The following SDK1 variants were observed in gnomAD, a reference collection of about 807,000 sequenced individuals.
The protein encoded by SDK1 is sidekick cell adhesion molecule 1, also known as protein sidekick-1.
A neutral mutation model predicts 245.5 loss-of-function variants in SDK1; 157 were observed. The ratio of observed to expected loss-of-function variants is 0.64; its 90% confidence interval spans 0.56 to 0.73. The LOEUF (loss-of-function observed/expected upper bound fraction) is 0.73, where lower values mean the gene tolerates loss of function less well. Ranked by LOEUF, SDK1 falls within the 30% of genes least tolerant of loss-of-function variation. SDK1 has a pLI of 0.00. For synonymous variants in SDK1, 1,647 were observed against 1,278.5 expected, an observed-to-expected ratio of 1.29 and a Z score of -6.15; for missense variants, 3,583 against 3,002.3, an observed-to-expected ratio of 1.19 and a Z score of -4.52.
chr7:3,939,158 T>G (rs916068193), intron 5 of SDK1, among the ~76,000 whole-genome samples: 2 of 152,228 alleles, frequency 1.3e-5, no homozygotes, highest in African/African-American at 4.8e-5. Context: ...GGGGAATACC[T>G]GTCTCCAGGG....
intron 1 of SDK1, among the ~76,000 whole-genome samples, chr7:3,515,685 G>T (rs1195249471): frequency 6.6e-6 from 1 of 152,080 alleles, no homozygotes; most frequent in Non-Finnish European, 1.5e-5. Context: ...ATATAAGGAG[G>T]TTAGCCAAAG....
intron 4 of SDK1, among the ~76,000 whole-genome samples, chr7:3,807,160 C>G (rs981153053): frequency 3.3e-5 from 5 of 152,144 alleles, no homozygotes; most frequent in Non-Finnish European, 7.3e-5. Flanking sequence ...CCAAAGGAAA[C>G]TGCTTTCATT....
chr7:4,061,838 T>C (rs1207602712), intron 19 of SDK1, among the ~76,000 whole-genome samples: 2 of 151,846 alleles, frequency 1.3e-5, no homozygotes, highest in Admixed American at 1.3e-4. Context: ...TGTAGGGACA[T>C]GGATGAAATT....
chr7:4,132,447 C>T (rs764236586), intron 28 of SDK1, 24 bp downstream of exon 28: 16 of 1,540,492 alleles, frequency 1.0e-5, no homozygotes, highest in South Asian at 9.1e-5. Context: ...GGTGGCCGGG[C>T]GTGGTGGCTC....
chr7:3,387,066 G>A (rs1470948361), intron 1 of SDK1, among the ~76,000 whole-genome samples: 1 of 152,110 alleles, frequency 6.6e-6, no homozygotes, highest in Non-Finnish European at 1.5e-5. Flanking sequence ...TTTCCCAAGT[G>A]AGCATATGTT....
rs111624250 is a variant in SDK1, at chr7:3,713,612, A to G, written c.713+71507A>G. On this transcript the variant is annotated intron_variant, in intron 4 of 44. Transcript: ENST00000404826. The stretch of plus-strand genomic sequence containing the variant: ...AGTACAGAAAAGAGGCTTTTCAAGA[A>G]TACGTCAGTTCTGTTAGAATAAGAT... 4.1e-3 allele frequency among the ~76,000 whole-genome samples: 625 copies of G among 152,300 alleles called. 5 individuals carry two copies. Among genetic ancestry groups the G allele is most frequent in the African/African-American group, 0.013 (547 of 41,572 alleles).
intron 35 of SDK1, among the ~76,000 whole-genome samples, chr7:4,182,490 G>A (rs1017288473): frequency 4.6e-5 from 7 of 152,168 alleles, no homozygotes; most frequent in African/African-American, 1.7e-4. Context: ...AGAGCAGCTG[G>A]GGAAACCCTG....
chr7:4,061,893 A>T lies in SDK1; in HGVS notation c.2912-5945A>T, dbSNP rs149837667. Among the ~76,000 whole-genome samples, 279 of 149,846 alleles carry T rather than the reference A, an allele frequency of 1.9e-3. 1 individual carries two copies. The highest frequency in any genetic ancestry group is 6.8e-3 in the Middle Eastern group (2 of 294). On this transcript the variant is annotated intron_variant, in intron 19 of 44. Coordinates refer to ENST00000404826, the MANE Select transcript of SDK1 (RefSeq NM_152744.4). ...AAACTATCGCAAGAACAAAAAACCA[A>T]ACACGGCATATTCTCACTCATAGGT...
intron 1 of SDK1, among the ~76,000 whole-genome samples, chr7:3,319,816 T>C (rs997699852): frequency 6.6e-6 from 1 of 151,752 alleles, no homozygotes. Context: ...TTATACTGTT[T>C]CTACTTTATA....
chr7:3,647,423 T>G (rs936742615), intron 4 of SDK1, among the ~76,000 whole-genome samples: 2 of 152,124 alleles, frequency 1.3e-5, no homozygotes, highest in African/African-American at 4.8e-5. Flanking sequence ...ATCAAGCTCT[T>G]TTCTGTTTTG....
intron 4 of SDK1, among the ~76,000 whole-genome samples, chr7:3,754,756 A>G (rs1219723998): frequency 6.6e-6 from 1 of 152,188 alleles, no homozygotes; most frequent in Non-Finnish European, 1.5e-5. Context: ...GATGAAAGAA[A>G]GTCTCATTTG....
intron 4 of SDK1, among the ~76,000 whole-genome samples, chr7:3,764,606 C>T (rs190822912): frequency 2.0e-3 from 303 of 152,024 alleles, no homozygotes; most frequent in Non-Finnish European, 3.4e-3. Context: ...TGCTGGAATC[C>T]GAGAAGCAGA....
At chr7:3,586,172 C>A (rs1400943402) in intron 1 of SDK1, among the ~76,000 whole-genome samples, 3 of 151,526 alleles carry the variant, frequency 2.0e-5, no homozygotes, top group Non-Finnish European at 4.4e-5. Context: ...TGAAGTGTGC[C>A]ACACCCAGAG....
chr7:3,514,266 G>C (rs1782667506), intron 1 of SDK1, among the ~76,000 whole-genome samples: 1 of 152,168 alleles, frequency 6.6e-6, no homozygotes, highest in Non-Finnish European at 1.5e-5. Context: ...AGTAGACTAT[G>C]TTGTACAGTC....
chr7:3,401,062 G>A (rs1037784061), intron 1 of SDK1, among the ~76,000 whole-genome samples: 1 of 152,138 alleles, frequency 6.6e-6, no homozygotes, highest in Non-Finnish European at 1.5e-5. Flanking sequence ...GCCATCCGCA[G>A]CCTCATAGCC....
At chr7:3,550,023 A>G (rs1042969243) in intron 1 of SDK1, among the ~76,000 whole-genome samples, 3 of 152,190 alleles carry the variant, frequency 2.0e-5, no homozygotes, top group Admixed American at 6.5e-5. Context: ...AAACATTAGC[A>G]CAGTTATCAA....
At chr7:3,452,044 A>T (rs1028573049) in intron 1 of SDK1, among the ~76,000 whole-genome samples, 1 of 152,198 alleles carries the variant, frequency 6.6e-6, no homozygotes. Context: ...AAAAACAGAG[A>T]TAGAGAACTA....
chr7:3,527,419 G>T (rs1248866608), intron 1 of SDK1, among the ~76,000 whole-genome samples: 5 of 152,180 alleles, frequency 3.3e-5, no homozygotes. Flanking sequence ...TGACTTTCAA[G>T]CAGAGACCTG....
intron 4 of SDK1, among the ~76,000 whole-genome samples, chr7:3,798,510 C>T (rs1779024389): frequency 2.0e-5 from 3 of 152,156 alleles, no homozygotes; most frequent in Admixed American, 2.0e-4. Flanking sequence ...AACCACTGCA[C>T]CCAGCCAAAC....
Sources: gnomAD v4.1 joint callset for allele counts (sites outside exome capture counted in the v4.1 genomes callset) on GRCh38, gnomAD v4.1.1 for gene constraint, MANE v1.5 for transcripts, NCBI Gene and HGNC (gene_info 2026-07-23, HGNC 2026-07-21) for gene names.